Variants in MB21D2 observed in about 807,000 individuals in gnomAD.
MB21D2 encodes the protein Mab-21 domain containing 2, also known as nucleotidyltransferase MB21D2.
MB21D2 carries 9 observed loss-of-function variants against 33.3 expected under a neutral mutation model. The ratio of observed to expected loss-of-function variants is 0.27; its 90% CI spans 0.16 to 0.47. The LOEUF is 0.47. MB21D2 is among the 20% of genes least tolerant of loss of function. The probability of loss-of-function intolerance (pLI) is 0.99; values close to 1 mark genes in which losing one functional copy is unlikely to be tolerated. For synonymous variants in MB21D2, 241 were observed against 236.3 expected, an observed-to-expected ratio of 1.02 and a Z score of -0.18; for missense variants, 540 against 624.6, an observed-to-expected ratio of 0.86 and a Z score of 1.44.
At chr3:192,880,779 A>G (rs910191971) in intron 1 of MB21D2, among the ~76,000 whole-genome samples, 2 of 152,144 alleles carry the variant, frequency 1.3e-5, no homozygotes, top group Admixed American at 1.3e-4. Context: ...CTGTCTTTAG[A>G]TTTACAGTGA....
rs914225023 is a variant in MB21D2 at position 192,869,636 on chromosome 3, T to G, written c.211+47994A>C. On this transcript the variant is annotated intron_variant, in intron 1 of 1. Coordinates refer to ENST00000392452, the MANE Select transcript of MB21D2 (RefSeq NM_178496.4). ...AGCTTCCAATTACCCAGATTCTTAC[T>G]GGCCTCTTGGTTCTGAAAACCCCCC... Among the ~76,000 whole-genome samples the G allele has an allele frequency of 3.3e-4, 50 of 152,214 alleles. 2 individuals are homozygous for G. The highest frequency in any genetic ancestry group is 1.5e-5 in the Non-Finnish European group (1 of 68,044).
Position 192,883,147 on chromosome 3 carries a change from T to C in MB21D2, c.211+34483A>G, listed in dbSNP as rs1294900268. Among the ~76,000 whole-genome samples, 11 of 152,206 alleles carry C rather than the reference T, an allele frequency of 7.2e-5. No individual in the cohort carries two copies. In the East Asian group the frequency reaches 1.4e-3, roughly 19 times the overall value. ...CCTCCCAAAGTGCTGGGACGACAGG[T>C]GTAAGCCACCGTGCCCAGCCTGACC... On this transcript the variant is annotated intron_variant, in intron 1 of 1. Coordinates refer to ENST00000392452, the MANE Select transcript of MB21D2 (RefSeq NM_178496.4).
At chr3:192,861,131 A>G (rs1713032048) in intron 1 of MB21D2, among the ~76,000 whole-genome samples, 1 of 152,204 alleles carries the variant, frequency 6.6e-6, no homozygotes, top group Non-Finnish European at 1.5e-5. Flanking sequence ...AGTTGATGCT[A>G]TTATTAACCC....
chr3:192,849,719 A>G lies in MB21D2; in HGVS notation c.212-50069T>C, dbSNP rs142995896. 3.6e-3 allele frequency among the ~76,000 whole-genome samples: 542 copies of G among 152,282 alleles called. 1 individual carries two copies. Among genetic ancestry groups the G allele is most frequent in the African/African-American group, 0.012 (515 of 41,566 alleles). ...ACACTTATTCTATTAAATAAAAAAA[A>G]CTATATTTATTTATGTCTATTGCTT... On this transcript the variant is annotated intron_variant, in intron 1 of 1. Coordinates refer to ENST00000392452, the MANE Select transcript of MB21D2 (RefSeq NM_178496.4).
At chr3:192,809,242 C>T (rs1042614539) in intron 1 of MB21D2, among the ~76,000 whole-genome samples, 3 of 152,134 alleles carry the variant, frequency 2.0e-5, no homozygotes, top group Non-Finnish European at 4.4e-5. Context: ...ACTACAGGCA[C>T]GCATCACCAC....
chr3:192,821,706 C>T (rs374912120), intron 1 of MB21D2, among the ~76,000 whole-genome samples: 3 of 152,144 alleles, frequency 2.0e-5, no homozygotes, highest in Admixed American at 6.5e-5. Context: ...ACATTCTTAA[C>T]GCAGCAAAGA....
intron 1 of MB21D2, among the ~76,000 whole-genome samples, chr3:192,909,668 C>T (rs996673879): frequency 6.6e-6 from 1 of 152,060 alleles, no homozygotes; most frequent in Admixed American, 6.6e-5. Flanking sequence ...CGGTGGCTCA[C>T]GCCTGTAATC....
chr3:192,888,338 T>C (rs767400690), intron 1 of MB21D2, among the ~76,000 whole-genome samples: 1 of 152,094 alleles, frequency 6.6e-6, no homozygotes, highest in Non-Finnish European at 1.5e-5. Flanking sequence ...AGGCAAGAGC[T>C]GGGAATCATT....
At chr3:192,893,927 T>C (rs1201523510) in intron 1 of MB21D2, among the ~76,000 whole-genome samples, 1 of 152,122 alleles carries the variant, frequency 6.6e-6, no homozygotes, top group Non-Finnish European at 1.5e-5. Context: ...TCCCAGCTAC[T>C]GTGGAGGCTG....
At chr3:192,911,513 C>T (rs766059110) in intron 1 of MB21D2, among the ~76,000 whole-genome samples, 3 of 152,160 alleles carry the variant, frequency 2.0e-5, no homozygotes, top group Non-Finnish European at 1.5e-5. Flanking sequence ...TAACACAGGA[C>T]AGGATGTTGA....
chr3:192,823,827 C>A (rs887207775), intron 1 of MB21D2, among the ~76,000 whole-genome samples: 2 of 151,842 alleles, frequency 1.3e-5, no homozygotes, highest in African/African-American at 4.8e-5. Context: ...ATAAAACTGA[C>A]AGATTAACAG....
At chr3:192,837,784 T>A (rs1484867212) in intron 1 of MB21D2, among the ~76,000 whole-genome samples, 2 of 152,212 alleles carry the variant, frequency 1.3e-5, no homozygotes, top group Non-Finnish European at 2.9e-5. Context: ...ATTGTCTAAT[T>A]TGAGAAACAC....
At chr3:192,907,174 A>G (rs1714232614) in intron 1 of MB21D2, among the ~76,000 whole-genome samples, 1 of 40,664 alleles carries the variant, frequency 2.5e-5, no homozygotes, top group Admixed American at 3.2e-4. Flanking sequence ...TTCTTAAAAG[A>G]GATCACTCAG....
chr3:192,830,855 T>C (rs1288664468), intron 1 of MB21D2, among the ~76,000 whole-genome samples: 1 of 152,204 alleles, frequency 6.6e-6, no homozygotes, highest in Non-Finnish European at 1.5e-5. Context: ...ATGTTAAAGT[T>C]CTACATGTGC....
chr3:192,843,861 T>C (rs774698962), intron 1 of MB21D2, among the ~76,000 whole-genome samples: 8 of 152,034 alleles, frequency 5.3e-5, no homozygotes, highest in Admixed American at 2.6e-4. Flanking sequence ...CCCAGCCTCA[T>C]AAGCAGCCAT....
At chr3:192,909,966 AAG>A (rs796107234) in intron 1 of MB21D2, among the ~76,000 whole-genome samples, 10 of 132,274 alleles carry the variant, frequency 7.6e-5, no homozygotes, top group Admixed American at 2.3e-4. Context: ...AAAAAAAAGA[AAG>A]AGAGAGAGAG....
chr3:192,896,960 C>T (rs551685518), intron 1 of MB21D2, among the ~76,000 whole-genome samples: 4 of 152,200 alleles, frequency 2.6e-5, no homozygotes, highest in African/African-American at 9.6e-5. Flanking sequence ...TGAGGGAAAA[C>T]CTATGGTTCC....
chr3:192,824,448 G>C (rs1380520305), intron 1 of MB21D2, among the ~76,000 whole-genome samples: 1 of 151,932 alleles, frequency 6.6e-6, no homozygotes, highest in Non-Finnish European at 1.5e-5. Context: ...AAGGGATTCA[G>C]AGAGATGGGA....
chr3:192,894,512 A>G (rs1383326971), intron 1 of MB21D2, among the ~76,000 whole-genome samples: 3 of 152,046 alleles, frequency 2.0e-5, no homozygotes, highest in African/African-American at 7.2e-5. Flanking sequence ...CACAGGGACT[A>G]TTTTCACCTG....
Sources: allele counts gnomAD v4.1 joint callset (sites outside exome capture counted in the v4.1 genomes callset), GRCh38; gene constraint gnomAD v4.1.1; transcripts MANE v1.5; gene names NCBI Gene and HGNC (gene_info 2026-07-23, HGNC 2026-07-21).